IL1RAPL2: variants seen among roughly 807,000 people sequenced by gnomAD.
IL1RAPL2 encodes X-linked interleukin-1 receptor accessory protein-like 2.
In IL1RAPL2, 3 loss-of-function variants were observed where a neutral mutation model predicts 44.1. The ratio of observed to expected loss-of-function variants is 0.07; its 90% confidence interval spans 0.03 to 0.18. The LOEUF (loss-of-function observed/expected upper bound fraction) is 0.18, where lower values mean the gene tolerates loss of function less well. Ranked by LOEUF, IL1RAPL2 falls within the 10% of genes least tolerant of loss-of-function variation. The pLI, the probability that IL1RAPL2 is intolerant of heterozygous loss-of-function variation, is 1.00. For missense variants in IL1RAPL2, 391 were observed against 496.4 expected, an observed-to-expected ratio of 0.79 and a Z score of 2.02; for synonymous variants, 181 against 178.8, an observed-to-expected ratio of 1.01 and a Z score of -0.10.
At chrX:105,732,374 G>A (rs1419239848) in intron 7 of IL1RAPL2, among the ~76,000 whole-genome samples, 1 of 110,806 alleles carries the variant, frequency 9.0e-6, no homozygotes, top group African/African-American at 3.3e-5. Context: ...CTTCATGAAT[G>A]GCTTAGCACC....
intron 5 of IL1RAPL2, among the ~76,000 whole-genome samples, chrX:105,319,784 G>A (rs2034882890): frequency 2.7e-5 from 3 of 111,785 alleles, no homozygotes; most frequent in Admixed American, 9.5e-5. Context: ...TGGAAATAAC[G>A]CTGTGCACAC....
rs782094471 is a variant in IL1RAPL2 at position 105,234,354 on chromosome X, A to T, written c.543+350A>T. Among the ~76,000 whole-genome samples the T allele has an allele frequency of 1.7e-4, 19 of 112,409 alleles. No homozygotes were observed. The East Asian group carries it at 5.3e-3, about 31-fold the overall frequency. On this transcript the variant is annotated intron_variant, in intron 4 of 10. Coordinates refer to ENST00000372582, the MANE Select transcript of IL1RAPL2 (RefSeq NM_017416.2). Reference sequence around the variant, plus strand: ...CTGGTGGGAACAAAGGCCTGCCATTACAAGTAGTAGTACTTATAAAGAATA... The same window carrying T: ...CTGGTGGGAACAAAGGCCTGCCATTTCAAGTAGTAGTACTTATAAAGAATA...
At chrX:105,252,162 G>T (rs1045378864) in intron 4 of IL1RAPL2, among the ~76,000 whole-genome samples, 2 of 111,181 alleles carry the variant, frequency 1.8e-5, no homozygotes, top group African/African-American at 6.5e-5. Context: ...TTTCCAGAAT[G>T]TAATATAAAT....
intron 6 of IL1RAPL2, among the ~76,000 whole-genome samples, chrX:105,658,522 C>T (rs748574785): frequency 9.8e-4 from 110 of 111,902 alleles, no homozygotes; most frequent in South Asian, 6.0e-3. Context: ...CTAACATCCA[C>T]AAGCATCAAG....
At chrX:105,496,684 G>C (rs993759650) in intron 6 of IL1RAPL2, among the ~76,000 whole-genome samples, 4 of 112,145 alleles carry the variant, frequency 3.6e-5, no homozygotes, top group Non-Finnish European at 7.5e-5. Context: ...AATTGAGCAT[G>C]CTAGTGAGGA....
chrX:105,745,079 T>G, intron 8 of IL1RAPL2, among the ~76,000 whole-genome samples: 1 of 111,251 alleles, frequency 9.0e-6, no homozygotes, highest in Non-Finnish European at 1.9e-5. Flanking sequence ...GGCCGGGATG[T>G]CCAAGATCAA....
At chrX:105,755,153 C>G in intron 9 of IL1RAPL2, 24 bp from the exon 10 acceptor site, 2 of 1,112,256 alleles carry the variant, frequency 1.8e-6, no homozygotes, top group Non-Finnish European at 2.4e-6. Flanking sequence ...AGTTACAACC[C>G]TTTTGTTGTT....
At chrX:104,664,365 C>T (rs1930453332) in intron 2 of IL1RAPL2, among the ~76,000 whole-genome samples, 1 of 110,966 alleles carries the variant, frequency 9.0e-6, no homozygotes, top group Non-Finnish European at 1.9e-5. Flanking sequence ...ATTTTAAATG[C>T]CTTGAACTCT....
intron 2 of IL1RAPL2, among the ~76,000 whole-genome samples, chrX:105,076,057 A>G (rs1356033868): frequency 9.0e-6 from 1 of 110,595 alleles, no homozygotes; most frequent in Non-Finnish European, 1.9e-5. Flanking sequence ...TTCTGCTCTG[A>G]TTTTAGTTAT....
At chrX:104,985,425 G>A (rs2030543210) in intron 2 of IL1RAPL2, among the ~76,000 whole-genome samples, 1 of 111,855 alleles carries the variant, frequency 8.9e-6, no homozygotes, top group African/African-American at 3.3e-5. Context: ...AGTGTTTTCA[G>A]AGAGTGATGA....
intron 2 of IL1RAPL2, among the ~76,000 whole-genome samples, chrX:104,922,760 C>T (rs745637673): frequency 1.8e-5 from 2 of 111,327 alleles, no homozygotes; most frequent in African/African-American, 6.5e-5. Context: ...AAAAACATAA[C>T]GTTTTGACAC....
At chrX:104,852,340 C>G (rs1483716189) in intron 2 of IL1RAPL2, among the ~76,000 whole-genome samples, 1 of 111,962 alleles carries the variant, frequency 8.9e-6, no homozygotes, top group Non-Finnish European at 1.9e-5. Flanking sequence ...AAAGGTGGCA[C>G]CAGTCTGAAG....
intron 3 of IL1RAPL2, chrX:105,220,273 G>A: frequency 8.3e-7 from 1 of 1,211,233 alleles, no homozygotes; most frequent in South Asian, 1.8e-5. Flanking sequence ...CTTCTCCCAG[G>A]ATAAGGATAT....
In IL1RAPL2 at chrX:105,706,375, C is replaced by T. The variant is rs1004682757; in HGVS notation, c.773-10992C>T. Among the ~76,000 whole-genome samples the T allele has an allele frequency of 3.6e-5, 4 of 112,039 alleles. No individual in the cohort carries two copies. The Admixed American group carries it at 3.8e-4, about 11-fold the overall frequency. On this transcript the variant is annotated intron_variant, in intron 6 of 10. Transcript: ENST00000372582. The stretch of plus-strand genomic sequence containing the variant: ...TGGAGAACTTCCTTATTAGCTTTAT[C>T]CCATACTGGAAAATGATTGGGCATT...
At chrX:104,844,585 A>G (rs1392973186) in intron 2 of IL1RAPL2, among the ~76,000 whole-genome samples, 3 of 97,667 alleles carry the variant, frequency 3.1e-5, no homozygotes, top group Non-Finnish European at 6.1e-5. Context: ...ACTAATAGGA[A>G]CAATAGATCA....
intron 6 of IL1RAPL2, among the ~76,000 whole-genome samples, chrX:105,580,991 T>C (rs2037085539): frequency 9.0e-6 from 1 of 111,639 alleles, no homozygotes; most frequent in Non-Finnish European, 1.9e-5. Flanking sequence ...TTAGTTTTTG[T>C]TCAGACTAAT....
At chrX:105,643,978 G>A (rs1288103341) in intron 6 of IL1RAPL2, among the ~76,000 whole-genome samples, 1 of 111,073 alleles carries the variant, frequency 9.0e-6, no homozygotes, top group Non-Finnish European at 1.9e-5. Context: ...TGCAACCTCC[G>A]CCTCCCAGGT....
intron 6 of IL1RAPL2, among the ~76,000 whole-genome samples, chrX:105,697,712 A>G (rs113004245): frequency 9.0e-6 from 1 of 111,629 alleles, no homozygotes; most frequent in Non-Finnish European, 1.9e-5. Flanking sequence ...ATATAAGTAC[A>G]CCTGAAGATT....
At chrX:105,312,845 A>G (rs1479752090) in intron 5 of IL1RAPL2, among the ~76,000 whole-genome samples, 1 of 111,591 alleles carries the variant, frequency 9.0e-6, no homozygotes, top group Admixed American at 9.6e-5. Flanking sequence ...AGATATATAT[A>G]ACTTTATTTG....
Sources: allele counts gnomAD v4.1 joint callset (sites outside exome capture counted in the v4.1 genomes callset), GRCh38; gene constraint gnomAD v4.1.1; transcripts MANE v1.5; gene names NCBI Gene and HGNC (gene_info 2026-07-23, HGNC 2026-07-21).